EML5: variants seen among roughly 807,000 people sequenced by gnomAD.
EML5 encodes echinoderm microtubule-associated protein-like 5.
In EML5, 120 loss-of-function variants were observed where a neutral mutation model predicts 250.0. The observed-to-expected ratio is 0.48, with a 90% CI of 0.41 to 0.56. The LOEUF (loss-of-function observed/expected upper bound fraction) is 0.56, where lower values mean the gene tolerates loss of function less well. Ranked by LOEUF, EML5 falls within the 20% of genes least tolerant of loss-of-function variation. EML5 has a pLI of 0.00. For synonymous variants in EML5, 771 were observed against 806.5 expected, an observed-to-expected ratio of 0.96 and a Z score of 0.75; for missense variants, 2,006 against 2,437.6, an observed-to-expected ratio of 0.82 and a Z score of 3.73.
intron 33 of EML5, among the ~76,000 whole-genome samples, chr14:88,629,657 G>T (rs959120036): frequency 1.6e-4 from 25 of 152,138 alleles, no homozygotes; most frequent in Admixed American, 5.2e-4. Flanking sequence ...TACCTATCAT[G>T]GCAGGCATGT....
At chr14:88,666,703 C>T (rs2180593) in intron 21 of EML5, among the ~76,000 whole-genome samples, 1 of 151,860 alleles carries the variant, frequency 6.6e-6, no homozygotes, top group Non-Finnish European at 1.5e-5. Context: ...AGGGTTAGTG[C>T]TGCATTGATA....
chr14:88,694,261 A>G (rs1460900337), intron 17 of EML5, 46 bp downstream of exon 17: 2 of 1,366,086 alleles, frequency 1.5e-6, no homozygotes, highest in Non-Finnish European at 2.0e-6. Flanking sequence ...TTCAAAAGCA[A>G]TAATTTCTTA....
intron 1 of EML5, among the ~76,000 whole-genome samples, chr14:88,782,889 G>A (rs1245115766): frequency 6.6e-6 from 1 of 152,106 alleles, no homozygotes; most frequent in Non-Finnish European, 1.5e-5. Flanking sequence ...AGATCAGCCG[G>A]GCCAACATGG....
chr14:88,739,376 G>GT (rs1467518019), intron 5 of EML5, among the ~76,000 whole-genome samples: 1 of 152,116 alleles, frequency 6.6e-6, no homozygotes, highest in Non-Finnish European at 1.5e-5. Context: ...CAAGACTTGA[G>GT]TATGTGTAGA....
At chr14:88,616,626 A>G (rs983218505) in intron 42 of EML5, 100 bp downstream of exon 42, 1 of 1,243,042 alleles carries the variant, frequency 8.0e-7, no homozygotes, top group South Asian at 1.8e-5. Flanking sequence ...AAAAATTTAG[A>G]AATTAGGACA....
chr14:88,748,463 T>G (rs903663521), intron 2 of EML5, among the ~76,000 whole-genome samples: 1 of 152,154 alleles, frequency 6.6e-6, no homozygotes, highest in Non-Finnish European at 1.5e-5. Context: ...AAAGCTACTC[T>G]AGTGCTGCCT....
At chr14:88,785,450 A>G (rs935545568) in intron 1 of EML5, among the ~76,000 whole-genome samples, 1 of 152,232 alleles carries the variant, frequency 6.6e-6, no homozygotes, top group Non-Finnish European at 1.5e-5. Context: ...CCCCATAAAT[A>G]GATAAACTCA....
chr14:88,677,630 G>A (rs891479720), intron 21 of EML5, among the ~76,000 whole-genome samples: 2 of 152,194 alleles, frequency 1.3e-5, no homozygotes, highest in Non-Finnish European at 2.9e-5. Flanking sequence ...TAAAAGGTGG[G>A]CAAAGGACAT....
At chr14:88,652,002 A>G (rs77616601) in intron 27 of EML5, among the ~76,000 whole-genome samples, 1 of 152,064 alleles carries the variant, frequency 6.6e-6, no homozygotes, top group Non-Finnish European at 1.5e-5. Flanking sequence ...AATTTTTCAA[A>G]CTCACACAAC....
chr14:88,650,121 CA>C (rs1436245603), intron 27 of EML5, among the ~76,000 whole-genome samples, 195 bp from the exon 28 acceptor site: 2 of 152,062 alleles, frequency 1.3e-5, no homozygotes, highest in African/African-American at 4.8e-5. Context: ...GGAAATTTGA[CA>C]AAAATTAACT....
chr14:88,713,726 G>A (rs2093443711), intron 9 of EML5, among the ~76,000 whole-genome samples: 1 of 151,736 alleles, frequency 6.6e-6, no homozygotes, highest in African/African-American at 2.4e-5. Flanking sequence ...AAAGTGCTGG[G>A]ATTACAGGCG....
chr14:88,769,967 T>G (rs1311082163), intron 1 of EML5, among the ~76,000 whole-genome samples: 3 of 80,030 alleles, frequency 3.7e-5, no homozygotes, highest in African/African-American at 1.2e-4. Context: ...TTATGTGCAG[T>G]TTTTTTTTTT....
rs573111147 is a variant in EML5, at chr14:88,782,502, CT to C, written c.197+9804del. Among the ~76,000 whole-genome samples, 92 of 152,336 alleles carry C rather than the reference CT, an allele frequency of 6.0e-4. 1 individual carries two copies. The East Asian group carries it at 0.016, about 26-fold the overall frequency. ...AAACGTCTCCAGGCCATGTCAGAGA[CT>C]TTTGCGGCAGCCCCTCCCATCACAG... On this transcript the variant is annotated intron_variant, in intron 1 of 43. Transcript: ENST00000554922.
chr14:88,727,343 T>C (rs1224670906), intron 7 of EML5, among the ~76,000 whole-genome samples: 1 of 151,724 alleles, frequency 6.6e-6, no homozygotes, highest in Admixed American at 6.6e-5. Flanking sequence ...CAAAGGGATG[T>C]GAGTATACCA....
In EML5 at chr14:88,620,413, T is replaced by C. The variant is rs2088679177; in HGVS notation, c.5375+341A>G. ...GATATGTTTGAAATCACAACTTTAG[T>C]TTTCCAGGGTGACAACTTTTGAAGG... On this transcript the variant is annotated intron_variant, in intron 39 of 43. Transcript: ENST00000554922. The surrounding 1 kb of genome is among the most constrained non-coding windows in gnomAD (Gnocchi z 4.3). The C allele has an allele frequency of 5.3e-6, 1 of 190,002 alleles. No individual in the cohort carries two copies. The highest frequency in any genetic ancestry group is 6.1e-5 in the Admixed American group (1 of 16,450). 11.8% of individuals were successfully genotyped at this position (190,002 alleles called of 1,614,324 possible).
chr14:88,634,439 A>G (rs1172732071), intron 33 of EML5, 30 bp downstream of exon 33: 3 of 1,438,714 alleles, frequency 2.1e-6, no homozygotes, highest in Non-Finnish European at 2.8e-6. Flanking sequence ...AACAATATAA[A>G]TAAAGCAGAA....
intron 2 of EML5, 55 bp from the exon 3 acceptor site, chr14:88,746,338 G>C: frequency 7.1e-7 from 1 of 1,408,658 alleles, no homozygotes; most frequent in Non-Finnish European, 9.9e-7. Context: ...AAATCAAAGA[G>C]AAACTGAATT....
At chr14:88,682,170 TTC>T in intron 20 of EML5, 139 bp from the exon 21 acceptor site, 1 of 900,586 alleles carries the variant, frequency 1.1e-6, no homozygotes. Context: ...ATCAAAACTT[TTC>T]TGTTTATCTT....
intron 31 of EML5, 116 bp downstream of exon 31, chr14:88,642,777 G>T: frequency 1.0e-6 from 1 of 962,760 alleles, no homozygotes; most frequent in Non-Finnish European, 1.5e-6. Context: ...TTATTCTGGA[G>T]TGTTTCTCCT....
Sources: allele counts gnomAD v4.1 joint callset (sites outside exome capture counted in the v4.1 genomes callset), GRCh38; gene constraint gnomAD v4.1.1; non-coding constraint Gnocchi (gnomAD v3.1); transcripts MANE v1.5; gene names NCBI Gene and HGNC (gene_info 2026-07-23, HGNC 2026-07-21).